Variants in ASB2 observed in about 807,000 individuals in gnomAD.
The protein encoded by ASB2 is ankyrin repeat and SOCS box containing 2.
A neutral mutation model predicts 62.4 loss-of-function variants in ASB2; 58 were observed. That is an observed-to-expected ratio of 0.93 (90% CI 0.75 to 1.16). The LOEUF is 1.16. ASB2 is among the 50% of genes most tolerant of loss of function. The pLI, the probability that ASB2 is intolerant of heterozygous loss-of-function variation, is 0.00. For synonymous variants in ASB2, 386 were observed against 385.3 expected (o/e 1.00, Z -0.02); for missense variants, 928 against 887.9 (o/e 1.05, Z -0.57).
At chr14:93,955,103 C>T (rs1394708268) in intron 3 of ASB2, 3 of 456,658 alleles carry the variant, frequency 6.6e-6, no homozygotes, top group East Asian at 1.4e-4. Context: ...CACTGAGCTC[C>T]CTACCTCATC....
In ASB2 at chr14:93,939,288, G is replaced by C; in HGVS notation, c.1437C>G (p.Pro479=). 1 of 1,609,458 alleles carries C rather than the reference G, an allele frequency of 6.2e-7. No individual in the cohort carries two copies. Among genetic ancestry groups the C allele is most frequent in the Non-Finnish European group, 8.5e-7 (1 of 1,176,758 alleles). ...AYIATHPTAF[P]ATIMFAMKCL... Reference sequence around the variant, plus strand: ...ACTTCATGGCGAACATGATGGTGGCGGGGAAGGCGGTGGGGTGCGTGGCGA... The same window carrying C: ...ACTTCATGGCGAACATGATGGTGGCCGGGAAGGCGGTGGGGTGCGTGGCGA... The change falls in exon 8 of 10, where the codon CCC becomes CCG. Residue 479 remains proline, a synonymous_variant. Coordinates refer to ENST00000555019, the MANE Select transcript of ASB2 (RefSeq NM_001202429.2).
At position 93,937,145 on chromosome 14, in the gene ASB2, C is replaced by G. The variant is rs555753990; in HGVS notation, c.1771+553G>C. 2.0e-5 allele frequency among the ~76,000 whole-genome samples: 3 copies of G among 152,326 alleles called. No individual in the cohort carries two copies. In the South Asian group the frequency reaches 6.2e-4, roughly 32 times the overall value. ...CAGCAAGGCCCTGGCAAGGCTGGCT[C>G]CAGGGTTCAGGGGCCTGTCTCCCAC... On this transcript the variant is annotated intron_variant, in intron 9 of 9. Transcript: ENST00000555019.
In ASB2 at chr14:93,939,172, G is replaced by A. The variant is rs532770242; in HGVS notation, c.1553C>T (p.Ala518Val). ...CLYGNGPHPP[A>V]PQPSSRFNDA... ...GTTGAACCTGCTGGAGGGCTGCGGG[G>A]CCGGCGGGTGCGGGCCGTTGCCGTA... is the stretch of plus-strand genomic sequence containing the variant. Residue 518 changes from alanine (A) to valine (V), a missense_variant, in exon 8 of 10, where the codon GCC becomes GTC. Physicochemically the swap from Ala to Val is moderately conservative, Grantham distance 64. Transcript: ENST00000555019. 3 of 1,573,856 alleles carry A rather than the reference G, an allele frequency of 1.9e-6. No homozygotes were observed. In the Admixed American group the frequency reaches 5.3e-5, roughly 28 times the overall value.
intron 6 of ASB2, 152 bp from the exon 7 acceptor site, chr14:93,947,672 G>T: frequency 1.4e-6 from 1 of 723,204 alleles, no homozygotes; most frequent in Non-Finnish European, 2.3e-6. Context: ...TCTACCTGGG[G>T]CTACCCCCAG....
intron 8 of ASB2, among the ~76,000 whole-genome samples, chr14:93,938,232 A>AGTTTTTTTT (rs1888345181): frequency 1.1e-5 from 1 of 90,548 alleles, no homozygotes; most frequent in Non-Finnish European, 2.2e-5. Flanking sequence ...TTAAGTTCTG[A>AGTTTTTTTT]CTTTTTTTTT....
chr14:93,966,396 G>C (rs1302379899), intron 1 of ASB2, among the ~76,000 whole-genome samples: 1 of 152,236 alleles, frequency 6.6e-6, no homozygotes, highest in Non-Finnish European at 1.5e-5. Context: ...ATCTGCTGGG[G>C]TGCTCCTATG....
intron 6 of ASB2, among the ~76,000 whole-genome samples, chr14:93,947,995 GAA>G (rs55666799): frequency 5.5e-5 from 4 of 72,478 alleles, no homozygotes; most frequent in African/African-American, 1.2e-4. Flanking sequence ...ACTCCGCCTG[GAA>G]AAAAAAAAAA....
At chr14:93,962,722 T>G (rs1889455120) in intron 2 of ASB2, among the ~76,000 whole-genome samples, 1 of 152,140 alleles carries the variant, frequency 6.6e-6, no homozygotes, top group Non-Finnish European at 1.5e-5. Context: ...CTGAGGGGGC[T>G]CCTATGCTGG....
At chr14:93,960,196 G>A (rs1374603084) in intron 2 of ASB2, among the ~76,000 whole-genome samples, 1 of 152,220 alleles carries the variant, frequency 6.6e-6, no homozygotes, top group Non-Finnish European at 1.5e-5. Context: ...TCTGCTTGAT[G>A]AACTCCTATT....
At chr14:93,973,326 C>T (rs371288993) in intron 1 of ASB2, among the ~76,000 whole-genome samples, 69 of 152,210 alleles carry the variant, frequency 4.5e-4, no homozygotes, top group African/African-American at 1.6e-3. Flanking sequence ...AGTCTAAGAC[C>T]CTAACGAAAA....
chr14:93,948,386 C>T (rs1888823555), intron 6 of ASB2: 1 of 153,958 alleles, frequency 6.5e-6, no homozygotes, highest in Middle Eastern at 6.7e-4. Flanking sequence ...AGAGAGGCCT[C>T]ACAGGTCTAG....
chr14:93,972,616 A>T (rs1889791441), intron 1 of ASB2, among the ~76,000 whole-genome samples: 1 of 152,226 alleles, frequency 6.6e-6, no homozygotes, highest in South Asian at 2.1e-4. Context: ...CTGACACAAC[A>T]TTAAGGGCAT....
intron 6 of ASB2, among the ~76,000 whole-genome samples, chr14:93,949,470 T>C (rs963025259): frequency 6.6e-6 from 1 of 152,188 alleles, no homozygotes; most frequent in Non-Finnish European, 1.5e-5. Context: ...TAAGCACATC[T>C]CTCAGCGCAG....
chr14:93,970,694 T>A (rs967537442), intron 1 of ASB2, among the ~76,000 whole-genome samples: 5 of 152,150 alleles, frequency 3.3e-5, no homozygotes, highest in Non-Finnish European at 7.3e-5. Flanking sequence ...ACAGCTGTTA[T>A]GGAGAAGTTT....
At chr14:93,935,942 G>A (rs563998071) in intron 9 of ASB2, among the ~76,000 whole-genome samples, 1 of 152,324 alleles carries the variant, frequency 6.6e-6, no homozygotes, top group South Asian at 2.1e-4. Flanking sequence ...TGGTTACCTT[G>A]TACACAGAAG....
In ASB2 at chr14:93,937,721, C is replaced by T. The variant is rs1888320288; in HGVS notation, c.1748G>A (p.Trp583Ter). ...LKEHIDSFED[W>*]AVIKEKAEPP... is the part of the protein sequence containing the mutation. ...ACCTGCCTTCTCCTTGATGACGGCC[C>T]AGTCCTCAAAGCTGTCGATGTGTTC... The change falls in exon 9 of 10, where the codon TGG becomes TAG. Residue 583 changes from tryptophan (W) to a stop codon, truncating the protein, a stop_gained. Coordinates refer to ENST00000555019, the MANE Select transcript of ASB2 (RefSeq NM_001202429.2). LOFTEE classifies it high-confidence loss of function. The T allele has an allele frequency of 1.2e-6, 2 of 1,610,126 alleles. No individual in the cohort carries two copies. The highest frequency in any genetic ancestry group is 1.7e-5 in the Admixed American group (1 of 59,956).
At chr14:93,973,562 G>A (rs970067734) in intron 1 of ASB2, among the ~76,000 whole-genome samples, 9 of 152,174 alleles carry the variant, frequency 5.9e-5, no homozygotes, top group African/African-American at 4.8e-5. Flanking sequence ...GCTAAGAAAA[G>A]CACCCACAAA....
chr14:93,975,656 C>A (rs138741822), intron 1 of ASB2, among the ~76,000 whole-genome samples: 1 of 152,220 alleles, frequency 6.6e-6, no homozygotes, highest in Non-Finnish European at 1.5e-5. Context: ...GCCTCACCCC[C>A]ATTTTTCACA....
intron 9 of ASB2, among the ~76,000 whole-genome samples, chr14:93,936,834 A>G (rs1348279890): frequency 6.6e-6 from 1 of 152,216 alleles, no homozygotes; most frequent in Non-Finnish European, 1.5e-5. Flanking sequence ...CTGTGCCCTC[A>G]GAGCCAGAGA....
Sources: gnomAD v4.1 joint callset for allele counts (sites outside exome capture counted in the v4.1 genomes callset) on GRCh38, gnomAD v4.1.1 for gene constraint, MANE v1.5 for transcripts, NCBI Gene and HGNC (gene_info 2026-07-23, HGNC 2026-07-21) for gene names.